Variants in CAPSL observed in about 807,000 individuals in gnomAD.
CAPSL encodes calcyphosine like, also known as calcyphosin-like protein.
CAPSL carries 17 observed loss-of-function variants against 21.3 expected under a neutral mutation model. That is an observed-to-expected ratio of 0.80 (90% CI 0.55 to 1.20). The LOEUF (loss-of-function observed/expected upper bound fraction) is 1.20, where lower values mean the gene tolerates loss of function less well. Among genes scored for constraint, CAPSL ranks in the 50% most tolerant of loss-of-function variants. CAPSL has a pLI of 0.00. For synonymous variants in CAPSL, 102 were observed against 89.3 expected (o/e 1.14, Z -0.80); for missense variants, 289 against 259.3 (o/e 1.11, Z -0.79).
chr5:35,934,337 A>C (rs933325751), intron 1 of CAPSL, among the ~76,000 whole-genome samples: 3 of 152,128 alleles, frequency 2.0e-5, no homozygotes, highest in Non-Finnish European at 4.4e-5. Context: ...ATTTTCCTCT[A>C]TTCCTTATTC....
At chr5:35,904,886 G>A (rs1451489358) in intron 4 of CAPSL, among the ~76,000 whole-genome samples, 7 of 152,102 alleles carry the variant, frequency 4.6e-5, no homozygotes, top group African/African-American at 1.2e-4. Flanking sequence ...GGAAAGTGAC[G>A]CATAGGTTGT....
chr5:35,906,575 CAA>C (rs1760684231), intron 4 of CAPSL, among the ~76,000 whole-genome samples: 1 of 152,142 alleles, frequency 6.6e-6, no homozygotes, highest in Non-Finnish European at 1.5e-5. Flanking sequence ...AGGAAAATCA[CAA>C]AGACTTCAGC....
chr5:35,904,610 C>G lies in CAPSL; in HGVS notation c.562G>C (p.Val188Leu). Residue 188 changes from valine to leucine, a missense_variant, in exon 5 of 5, where the codon GTG becomes CTG. Transcript: ENST00000651391. ...PEEFMNYYAGVSASIDTDVYF... is the reference protein window; with the variant it reads ...PEEFMNYYAGLSASIDTDVYF... The stretch of plus-strand genomic sequence containing the variant: ...ACATCAGTGTCAATGGATGCGCTCA[C>G]ACCTGCATAGTAGTTCATGAACTCC... The G allele has an allele frequency of 1.2e-6, 2 of 1,613,876 alleles. No individual in the cohort carries two copies. The highest frequency in any genetic ancestry group is 1.7e-6 in the Non-Finnish European group (2 of 1,179,986).
chr5:35,910,415 T>A lies in CAPSL; in HGVS notation c.266A>T (p.Lys89Ile). Reference sequence around the variant, plus strand: ...GAAGTCTATTGTTCCATTTCCATCTTTATCAAACCTCCGGAAAAGTTCTTC... The same window carrying A: ...GAAGTCTATTGTTCCATTTCCATCTATATCAAACCTCCGGAAAAGTTCTTC... ...EVEELFRRFD[K>I]DGNGTIDFNE... is the part of the protein sequence containing the mutation. The change falls in exon 3 of 5, where the codon AAA (lysine) becomes ATA (isoleucine). Residue 89 changes from lysine (K) to isoleucine (I), a missense_variant. Coordinates refer to ENST00000651391, the MANE Select transcript of CAPSL (RefSeq NM_001042625.2). 6.2e-7 allele frequency: 1 copy of A among 1,614,024 alleles called. No individual in the cohort carries two copies. Among genetic ancestry groups the A allele is most frequent in the Non-Finnish European group, 8.5e-7 (1 of 1,179,920 alleles).
intron 1 of CAPSL, among the ~76,000 whole-genome samples, chr5:35,922,556 C>T (rs1738567210): frequency 6.6e-6 from 1 of 152,182 alleles, no homozygotes; most frequent in Non-Finnish European, 1.5e-5. Context: ...TCTAAAGCTA[C>T]ACAGTCTTCC....
intron 2 of CAPSL, among the ~76,000 whole-genome samples, chr5:35,911,182 C>T (rs1283214519): frequency 6.6e-6 from 1 of 152,090 alleles, no homozygotes; most frequent in African/African-American, 2.4e-5. Context: ...AGAAAAATTC[C>T]AAATAAGTTA....
At chr5:35,937,486 T>C (rs1268929705) in intron 1 of CAPSL, among the ~76,000 whole-genome samples, 1 of 152,228 alleles carries the variant, frequency 6.6e-6, no homozygotes, top group East Asian at 1.9e-4. Flanking sequence ...ACCTTCTTTT[T>C]CCTGTTGGCC....
chr5:35,905,745 C>T, intron 4 of CAPSL, among the ~76,000 whole-genome samples: 1 of 152,176 alleles, frequency 6.6e-6, no homozygotes, highest in East Asian at 1.9e-4. Context: ...TCATTATTGC[C>T]CTCTTTCTAT....
At chr5:35,917,641 G>A (rs377195922) in intron 2 of CAPSL, among the ~76,000 whole-genome samples, 11 of 151,990 alleles carry the variant, frequency 7.2e-5, no homozygotes, top group East Asian at 1.9e-4. Context: ...CCGCATGTTC[G>A]CACTCATAGG....
intron 1 of CAPSL, among the ~76,000 whole-genome samples, chr5:35,921,374 G>A (rs1005853978): frequency 3.9e-5 from 6 of 152,094 alleles, no homozygotes; most frequent in African/African-American, 1.4e-4. Context: ...AAGATGTTTT[G>A]ATCTTTCTGA....
At chr5:35,931,185 T>C (rs1738813719) in intron 1 of CAPSL, among the ~76,000 whole-genome samples, 3 of 152,174 alleles carry the variant, frequency 2.0e-5, no homozygotes, top group African/African-American at 7.2e-5. Flanking sequence ...GGCAAAAAGC[T>C]TATTCCTGCA....
rs377089913 is a variant in CAPSL at position 35,921,033 on chromosome 5, G to A, written c.88C>T (p.Arg30Ter). The part of the protein sequence containing the change: ...TTATDPIERL[R>*]LQCLARGSAG... The stretch of plus-strand genomic sequence containing the variant: ...GAGCCCCTGGCCAGGCACTGCAGTC[G>A]GAGTCTTTCAATGGGGTCGGTGGCC... The change falls in exon 2 of 5, where the codon CGA becomes TGA. Residue 30 changes from arginine to a stop codon, truncating the protein, a stop_gained. Coordinates refer to ENST00000651391, the MANE Select transcript of CAPSL (RefSeq NM_001042625.2). LOFTEE classifies it high-confidence loss of function. The A allele has an allele frequency of 2.9e-5, 47 of 1,614,096 alleles. No individual in the cohort carries two copies. In the Admixed American group the frequency reaches 3.2e-4, roughly 11 times the overall value.
At chr5:35,928,701 G>T (rs1180810664) in intron 1 of CAPSL, among the ~76,000 whole-genome samples, 1 of 152,080 alleles carries the variant, frequency 6.6e-6, no homozygotes, top group Non-Finnish European at 1.5e-5. Flanking sequence ...GAGTGTTATT[G>T]GCATCTAATG....
chr5:35,932,889 T>G (rs1470738547), intron 1 of CAPSL, among the ~76,000 whole-genome samples: 1 of 152,224 alleles, frequency 6.6e-6, no homozygotes, highest in African/African-American at 2.4e-5. Context: ...TTATGAAGGA[T>G]GCCCTCAGTG....
chr5:35,934,236 C>T (rs1738889135), intron 1 of CAPSL, among the ~76,000 whole-genome samples: 1 of 152,238 alleles, frequency 6.6e-6, no homozygotes, highest in Non-Finnish European at 1.5e-5. Flanking sequence ...ACTCCCACTC[C>T]TTGCTCTTGA....
intron 1 of CAPSL, 47 bp from the exon 2 acceptor site, chr5:35,921,167 G>A: frequency 6.3e-7 from 1 of 1,593,626 alleles, no homozygotes; most frequent in Non-Finnish European, 8.5e-7. Flanking sequence ...CCTCGCCGCT[G>A]CCTCTGGCTG....
chr5:35,933,274 A>G (rs1738865349), intron 1 of CAPSL, among the ~76,000 whole-genome samples: 1 of 152,232 alleles, frequency 6.6e-6, no homozygotes, highest in Admixed American at 6.5e-5. Context: ...CAGTTTGTTT[A>G]GAGCAGAAAA....
At chr5:35,908,107 T>G (rs941634777) in intron 4 of CAPSL, among the ~76,000 whole-genome samples, 2 of 152,218 alleles carry the variant, frequency 1.3e-5, no homozygotes, top group African/African-American at 4.8e-5. Context: ...ATGTGTATAT[T>G]ATATTTAGTA....
chr5:35,933,147 C>A (rs1455172729), intron 1 of CAPSL, among the ~76,000 whole-genome samples: 1 of 152,098 alleles, frequency 6.6e-6, no homozygotes, highest in East Asian at 1.9e-4. Flanking sequence ...ACTTTGCTGA[C>A]CTCCGGGACT....
Sources: allele counts gnomAD v4.1 joint callset (sites outside exome capture counted in the v4.1 genomes callset), GRCh38; gene constraint gnomAD v4.1.1; transcripts MANE v1.5; gene names NCBI Gene and HGNC (gene_info 2026-07-23, HGNC 2026-07-21).